PARD3: variants seen among roughly 807,000 people sequenced by gnomAD.
PARD3 encodes the protein partitioning defective 3 homolog.
PARD3 carries 75 observed loss-of-function variants against 155.4 expected under a neutral mutation model. That is an observed-to-expected ratio of 0.48 (90% CI 0.40 to 0.58). The LOEUF (loss-of-function observed/expected upper bound fraction) is 0.58, where lower values mean the gene tolerates loss of function less well. Ranked by LOEUF, PARD3 falls within the 20% of genes least tolerant of loss-of-function variation. The probability of loss-of-function intolerance (pLI) is 0.00; values close to 1 mark genes in which losing one functional copy is unlikely to be tolerated. For missense variants in PARD3, 1,642 were observed against 1,721.7 expected (o/e 0.95, Z 0.82); for synonymous variants, 576 against 610.5 (o/e 0.94, Z 0.83).
At chr10:34,261,821 G>C (rs375504307) in intron 22 of PARD3, among the ~76,000 whole-genome samples, 18,347 of 100,802 alleles carry the variant, frequency 0.18, 2,798 homozygotes, top group African/African-American at 0.4. Flanking sequence ...AAGAAAGAAA[G>C]AAAGAAACAA....
intron 22 of PARD3, among the ~76,000 whole-genome samples, chr10:34,179,003 T>A (rs1950151976): frequency 6.6e-6 from 1 of 152,036 alleles, no homozygotes. Context: ...GCAAACACAC[T>A]GACCCTGCCC....
chr10:34,399,443 G>C, intron 6 of PARD3, 30 bp from the exon 7 acceptor site: 3 of 1,432,914 alleles, frequency 2.1e-6, no homozygotes, highest in Non-Finnish European at 3.0e-6. Flanking sequence ...GAGGGAGCAT[G>C]AACGTGTACT....
At chr10:34,114,074 T>C (rs372946653) in intron 24 of PARD3, among the ~76,000 whole-genome samples, 1 of 151,738 alleles carries the variant, frequency 6.6e-6, no homozygotes, top group African/African-American at 2.4e-5. Context: ...CTGGGTAACA[T>C]AGTGAGACCC....
intron 2 of PARD3, among the ~76,000 whole-genome samples, chr10:34,646,446 A>C (rs1196588947): frequency 6.6e-6 from 1 of 152,212 alleles, no homozygotes; most frequent in Non-Finnish European, 1.5e-5. Flanking sequence ...AATATGTTTA[A>C]ATGATAGCAA....
intron 1 of PARD3, among the ~76,000 whole-genome samples, chr10:34,720,572 C>A (rs1359752213): frequency 6.6e-6 from 1 of 150,844 alleles, no homozygotes; most frequent in Non-Finnish European, 1.5e-5. Context: ...CTGAAGCGGG[C>A]GGATCACCTG....
intron 1 of PARD3, among the ~76,000 whole-genome samples, chr10:34,707,315 A>C (rs1419394554): frequency 6.6e-6 from 1 of 152,140 alleles, no homozygotes; most frequent in African/African-American, 2.4e-5. Flanking sequence ...CACACCATGA[A>C]AAATTCTATT....
chr10:34,798,013 C>A (rs1842463658), intron 1 of PARD3, among the ~76,000 whole-genome samples: 1 of 151,948 alleles, frequency 6.6e-6, no homozygotes. Flanking sequence ...AAAGAAAACA[C>A]ACAAAGACAC....
chr10:34,110,945 G>T lies in PARD3; in HGVS notation c.*224C>A. 2.2e-6 allele frequency: 1 copy of T among 462,712 alleles called. No homozygotes were observed. The highest frequency in any genetic ancestry group is 3.8e-6 in the Non-Finnish European group (1 of 264,606). 28.7% of individuals were successfully genotyped at this position (462,712 alleles called of 1,614,324 possible). ...GAGCATATGAACACCTCAAACAGAT[G>T]ATTGTCACAGGGTGGGAAATCCTTC... On this transcript the variant is annotated 3_prime_UTR_variant, in exon 25 of 25. Coordinates refer to ENST00000374788, the MANE Select transcript of PARD3 (RefSeq NM_001184785.2).
chr10:34,543,017 A>C (rs2083759328), intron 2 of PARD3, among the ~76,000 whole-genome samples: 1 of 152,234 alleles, frequency 6.6e-6, no homozygotes, highest in African/African-American at 2.4e-5. Flanking sequence ...AGATGATATG[A>C]AAGTGTCCAA....
chr10:34,700,667 C>T (rs1451429860), intron 1 of PARD3, among the ~76,000 whole-genome samples: 1 of 152,170 alleles, frequency 6.6e-6, no homozygotes, highest in Non-Finnish European at 1.5e-5. Context: ...CACCCAACAT[C>T]AGAAATTAAA....
rs563213051 is a variant in PARD3, at chr10:34,323,241, C to T, written c.2834-5903G>A. 7.9e-5 allele frequency among the ~76,000 whole-genome samples: 12 copies of T among 152,196 alleles called. No individual in the cohort carries two copies. The South Asian group carries it at 2.3e-3, about 29-fold the overall frequency. ...ACAGCTAGTGATACACAGATGGTGT[C>T]GAATAACATGATCTGCTCTTCTGGA... On this transcript the variant is annotated intron_variant, in intron 19 of 24. Coordinates refer to ENST00000374788, the MANE Select transcript of PARD3 (RefSeq NM_001184785.2).
intron 1 of PARD3, among the ~76,000 whole-genome samples, chr10:34,724,300 C>T (rs1029044117): frequency 9.9e-5 from 15 of 152,042 alleles, no homozygotes; most frequent in Admixed American, 9.8e-4. Flanking sequence ...CTAAAATAGC[C>T]TTGCAAGTCA....
intron 7 of PARD3, among the ~76,000 whole-genome samples, chr10:34,396,331 C>G (rs1843341566): frequency 6.6e-6 from 1 of 151,964 alleles, no homozygotes; most frequent in African/African-American, 2.4e-5. Context: ...GAGTGAGACT[C>G]CATCTCAAAA....
At chr10:34,595,103 G>C (rs945332120) in intron 2 of PARD3, among the ~76,000 whole-genome samples, 2 of 152,164 alleles carry the variant, frequency 1.3e-5, no homozygotes, top group African/African-American at 4.8e-5. Flanking sequence ...CACAGTTCAA[G>C]AACATGAATA....
rs934971243 is a variant in PARD3, at chr10:34,339,136, A to G, written c.2409-1710T>C. On this transcript the variant is annotated intron_variant, in intron 16 of 24. Coordinates refer to ENST00000374788, the MANE Select transcript of PARD3 (RefSeq NM_001184785.2). The stretch of plus-strand genomic sequence containing the variant: ...CTTGCAACAGCAAACTCTAAATAAT[A>G]TATTTCCAATAATTCTTTTATATAT... Among the ~76,000 whole-genome samples, 6 of 152,318 alleles carry G rather than the reference A, an allele frequency of 3.9e-5. No individual in the cohort carries two copies. The South Asian group carries it at 1.2e-3, about 32-fold the overall frequency.
At chr10:34,196,656 C>G (rs1053783850) in intron 22 of PARD3, among the ~76,000 whole-genome samples, 4 of 146,906 alleles carry the variant, frequency 2.7e-5, no homozygotes, top group African/African-American at 1.0e-4. Context: ...TCACTGCAAG[C>G]TCTGCCTCCT....
chr10:34,795,171 C>G (rs76009705), intron 1 of PARD3, among the ~76,000 whole-genome samples: 3,388 of 152,302 alleles, frequency 0.022, 131 homozygotes, highest in African/African-American at 0.076. Context: ...GCTGGAGACA[C>G]CACATGCAGG....
chr10:34,733,742 C>T (rs111321007), intron 1 of PARD3, among the ~76,000 whole-genome samples: 15 of 152,322 alleles, frequency 9.8e-5, no homozygotes, highest in African/African-American at 3.4e-4. Context: ...TCAGGTGATC[C>T]GCTGGTGTTG....
Position 34,651,010 on chromosome 10 carries a change from T to TTAAAAAA in PARD3, c.222+45307_222+45308insTTTTTTA, listed in dbSNP as rs2092994493. Among the ~76,000 whole-genome samples, 4 of 31,790 alleles carry TTAAAAAA rather than the reference T, an allele frequency of 1.3e-4. No individual in the cohort carries two copies. In the South Asian group the frequency reaches 6.7e-3, roughly 53 times the overall value. The allele number at this position is 31,790 out of a possible 152,430, so 20.9% of individuals were successfully genotyped here. Reference sequence around the variant, plus strand: ...TGGGCAACAAGAACGAAACTCTGTCTCAAAAAAAAAAAAAAAAAAAAAAAA... The same window carrying TTAAAAAA: ...TGGGCAACAAGAACGAAACTCTGTCTTAAAAAACAAAAAAAAAAAAAAAAAAAAAAAA... On this transcript the variant is annotated intron_variant, in intron 2 of 24. Coordinates refer to ENST00000374788, the MANE Select transcript of PARD3 (RefSeq NM_001184785.2).
Sources: allele counts gnomAD v4.1 joint callset (sites outside exome capture counted in the v4.1 genomes callset), GRCh38; gene constraint gnomAD v4.1.1; transcripts MANE v1.5; gene names NCBI Gene and HGNC (gene_info 2026-07-23, HGNC 2026-07-21).